YIPF1: variants seen among roughly 807,000 people sequenced by gnomAD.
The protein encoded by YIPF1 is protein YIPF1.
In YIPF1, 22 loss-of-function variants were observed where a neutral mutation model predicts 37.0. The observed-to-expected ratio is 0.59, with a 90% CI of 0.42 to 0.85. The LOEUF (loss-of-function observed/expected upper bound fraction) is 0.85. Ranked by LOEUF, YIPF1 falls within the 40% of genes least tolerant of loss-of-function variation. The probability of loss-of-function intolerance (pLI) is 0.00; values close to 1 mark genes in which losing one functional copy is unlikely to be tolerated. For missense variants in YIPF1, 355 were observed against 373.1 expected, an observed-to-expected ratio of 0.95 and a Z score of 0.40; for synonymous variants, 128 against 131.9, an observed-to-expected ratio of 0.97 and a Z score of 0.21.
rs537473414 is a variant in YIPF1 at position 53,876,514 on chromosome 1, G to T, written c.364+1801C>A. 5.9e-5 allele frequency among the ~76,000 whole-genome samples: 9 copies of T among 152,182 alleles called. No individual in the cohort carries two copies. The East Asian group carries it at 1.7e-3, about 29-fold the overall frequency. On this transcript the variant is annotated intron_variant, in intron 6 of 10. Coordinates refer to ENST00000072644, the MANE Select transcript of YIPF1 (RefSeq NM_018982.5). ...TATTGTACCTTCTTCTTTTAACCAC[G>T]TCTATGAGCTAATGAGGCTACTAGT...
chr1:53,888,322 A>G (rs1328733198), intron 3 of YIPF1, among the ~76,000 whole-genome samples: 2 of 152,356 alleles, frequency 1.3e-5, no homozygotes, highest in Non-Finnish European at 2.9e-5. Context: ...CTTTTCCTCC[A>G]GCACTTTCAT....
intron 3 of YIPF1, chr1:53,886,532 C>G (rs1432620201): frequency 2.6e-5 from 4 of 151,706 alleles, no homozygotes; most frequent in Non-Finnish European, 4.4e-5. Flanking sequence ...ACCGTTCCTC[C>G]CCGGAGAAGC....
At chr1:53,861,034 C>G (rs986362147) in intron 9 of YIPF1, among the ~76,000 whole-genome samples, 6 of 152,170 alleles carry the variant, frequency 3.9e-5, no homozygotes, top group African/African-American at 1.4e-4. Context: ...AGCCAACAAC[C>G]ATTTTTCACC....
chr1:53,864,673 C>T (rs1321009165), intron 9 of YIPF1, among the ~76,000 whole-genome samples: 1 of 152,202 alleles, frequency 6.6e-6, no homozygotes, highest in African/African-American at 2.4e-5. Flanking sequence ...TGGCCATGTC[C>T]TTTCCTTTAT....
chr1:53,852,026 G>C lies in YIPF1; in HGVS notation c.*253C>G, dbSNP rs1411796054. 6.6e-6 allele frequency: 1 copy of C among 152,200 alleles called. No homozygotes were observed. The highest frequency in any genetic ancestry group is 1.5e-5 in the Non-Finnish European group (1 of 68,042). The allele number at this position is 152,200 out of a possible 1,614,324, so 9.4% of individuals were successfully genotyped here. ...CTGAGCATGCCTAACCTATTCCCTG[G>C]CATTTCAGTCCAATCAGCGCATGCT... On this transcript the variant is annotated 3_prime_UTR_variant, in exon 11 of 11. Coordinates refer to ENST00000072644, the MANE Select transcript of YIPF1 (RefSeq NM_018982.5).
At chr1:53,871,610 G>A in intron 6 of YIPF1, 122 bp from the exon 7 acceptor site, 1 of 810,462 alleles carries the variant, frequency 1.2e-6, no homozygotes, top group African/African-American at 1.7e-5. Flanking sequence ...TTTCTAGATG[G>A]GATCAACACT....
At chr1:53,873,180 C>T (rs561894255) in intron 6 of YIPF1, among the ~76,000 whole-genome samples, 4 of 152,170 alleles carry the variant, frequency 2.6e-5, no homozygotes, top group Admixed American at 6.5e-5. Flanking sequence ...CAGTCACTGC[C>T]TCTAGTGCAC....
At chr1:53,867,724 A>G (rs1393676282) in intron 7 of YIPF1, among the ~76,000 whole-genome samples, 1 of 152,206 alleles carries the variant, frequency 6.6e-6, no homozygotes, top group Non-Finnish European at 1.5e-5. Flanking sequence ...CTTGCTCTGC[A>G]TGCTCTCTAG....
intron 3 of YIPF1, among the ~76,000 whole-genome samples, chr1:53,886,327 C>T (rs980042480): frequency 6.6e-6 from 1 of 151,914 alleles, no homozygotes; most frequent in African/African-American, 2.4e-5. Flanking sequence ...ACTCTTCACA[C>T]AGTCTGCTCT....
chr1:53,867,891 T>C (rs1474181561), intron 7 of YIPF1, among the ~76,000 whole-genome samples: 2 of 152,236 alleles, frequency 1.3e-5, no homozygotes, highest in Non-Finnish European at 2.9e-5. Flanking sequence ...CATATTCCTG[T>C]ACCTCTCTCC....
chr1:53,859,517 A>G (rs1649809366), intron 10 of YIPF1, among the ~76,000 whole-genome samples: 1 of 152,112 alleles, frequency 6.6e-6, no homozygotes, highest in Non-Finnish European at 1.5e-5. Flanking sequence ...TACAAAAATT[A>G]GCCAGGCAGT....
intron 7 of YIPF1, among the ~76,000 whole-genome samples, chr1:53,868,376 G>A (rs554888737): frequency 6.6e-6 from 1 of 152,284 alleles, no homozygotes; most frequent in South Asian, 2.1e-4. Context: ...TTGGGGGTAA[G>A]TTACTTAACC....
intron 9 of YIPF1, among the ~76,000 whole-genome samples, chr1:53,863,979 C>T (rs1649952828): frequency 6.6e-6 from 1 of 152,112 alleles, no homozygotes; most frequent in South Asian, 2.1e-4. Flanking sequence ...TGAGTTCAAG[C>T]CATCTGCCTG....
At chr1:53,862,795 T>A (rs1649918301) in intron 9 of YIPF1, among the ~76,000 whole-genome samples, 1 of 152,162 alleles carries the variant, frequency 6.6e-6, no homozygotes, top group Admixed American at 6.5e-5. Context: ...TATCATTCAA[T>A]CCTTGCAACG....
At chr1:53,864,040 C>A (rs1045646637) in intron 9 of YIPF1, among the ~76,000 whole-genome samples, 2 of 152,186 alleles carry the variant, frequency 1.3e-5, no homozygotes, top group African/African-American at 2.4e-5. Context: ...CCAAGCCTGG[C>A]CTGAAGTGGG....
chr1:53,865,950 A>G (rs2100726388), intron 9 of YIPF1, among the ~76,000 whole-genome samples: 1 of 152,100 alleles, frequency 6.6e-6, no homozygotes, highest in South Asian at 2.1e-4. Context: ...GGATCGTTTA[A>G]GCCACGATGC....
chr1:53,882,276 C>G (rs888653753), intron 4 of YIPF1, among the ~76,000 whole-genome samples: 1 of 152,068 alleles, frequency 6.6e-6, no homozygotes, highest in African/African-American at 2.4e-5. Context: ...CACATGTTTA[C>G]CTATGTAACA....
chr1:53,873,954 C>T (rs1650264151), intron 6 of YIPF1, among the ~76,000 whole-genome samples: 1 of 152,182 alleles, frequency 6.6e-6, no homozygotes, highest in African/African-American at 2.4e-5. Context: ...GGCACGGGAA[C>T]AGCTGGAGAA....
chr1:53,864,355 T>G (rs1012106536), intron 9 of YIPF1, among the ~76,000 whole-genome samples: 1 of 152,256 alleles, frequency 6.6e-6, no homozygotes, highest in Non-Finnish European at 1.5e-5. Flanking sequence ...AAATTAATAG[T>G]GTCATTCTGC....
Sources: allele counts gnomAD v4.1 joint callset (sites outside exome capture counted in the v4.1 genomes callset), GRCh38; gene constraint gnomAD v4.1.1; transcripts MANE v1.5; gene names NCBI Gene and HGNC (gene_info 2026-07-23, HGNC 2026-07-21).